Variants in MTSS1 observed in about 807,000 individuals in gnomAD.
The protein encoded by MTSS1 is MTSS I-BAR domain containing 1, also known as protein MTSS 1.
MTSS1 carries 18 observed loss-of-function variants against 79.0 expected under a neutral mutation model. That is an observed-to-expected ratio of 0.23 (90% CI 0.16 to 0.34). The LOEUF (loss-of-function observed/expected upper bound fraction) is 0.34. MTSS1 is among the 10% of genes least tolerant of loss of function. The pLI is 1.00. For missense variants in MTSS1, 815 were observed against 986.2 expected, an observed-to-expected ratio of 0.83 and a Z score of 2.33; for synonymous variants, 341 against 368.6, an observed-to-expected ratio of 0.93 and a Z score of 0.86.
At chr8:124,608,793 A>G (rs929740237) in intron 3 of MTSS1, among the ~76,000 whole-genome samples, 1 of 152,172 alleles carries the variant, frequency 6.6e-6, no homozygotes, top group Non-Finnish European at 1.5e-5. Context: ...CTAGATGGAA[A>G]ATGGATTGGC....
chr8:124,583,386 C>T (rs1448136468), intron 6 of MTSS1, among the ~76,000 whole-genome samples: 1 of 152,210 alleles, frequency 6.6e-6, no homozygotes, highest in East Asian at 1.9e-4. Context: ...ATCCTGCAGG[C>T]AGCCCGAGCC....
At chr8:124,589,789 A>T (rs551284676) in intron 4 of MTSS1, 78 bp from the exon 5 acceptor site, 1 of 1,023,686 alleles carries the variant, frequency 9.8e-7, no homozygotes, top group East Asian at 2.5e-5. Context: ...TGGTTGTCAA[A>T]ACATACCTAA....
At chr8:124,645,923 C>T (rs1281881533) in intron 3 of MTSS1, among the ~76,000 whole-genome samples, 1 of 152,178 alleles carries the variant, frequency 6.6e-6, no homozygotes, top group African/African-American at 2.4e-5. Context: ...ACTATGATAT[C>T]TTCCTTCAGA....
At chr8:124,674,914 G>A (rs888560732) in intron 3 of MTSS1, among the ~76,000 whole-genome samples, 1 of 152,022 alleles carries the variant, frequency 6.6e-6, no homozygotes, top group African/African-American at 2.4e-5. Flanking sequence ...TAGAGACGGG[G>A]TTTTACCATG....
intron 3 of MTSS1, among the ~76,000 whole-genome samples, chr8:124,630,926 G>A (rs997282496): frequency 2.0e-5 from 3 of 152,124 alleles, no homozygotes; most frequent in African/African-American, 7.2e-5. Context: ...AACCTGCTTG[G>A]TATATTGCAA....
intron 6 of MTSS1, among the ~76,000 whole-genome samples, chr8:124,572,838 C>T (rs1828119327): frequency 6.6e-6 from 1 of 151,474 alleles, no homozygotes; most frequent in Non-Finnish European, 1.5e-5. Context: ...CCTCCGCCTG[C>T]CAGGTTCAAG....
chr8:124,571,170 C>T (rs1424376313), intron 6 of MTSS1, among the ~76,000 whole-genome samples: 1 of 152,214 alleles, frequency 6.6e-6, no homozygotes, highest in East Asian at 1.9e-4. Context: ...TAAAAACATT[C>T]TCCCATTCTC....
At chr8:124,554,775 C>A (rs992635667) in intron 13 of MTSS1, among the ~76,000 whole-genome samples, 6 of 152,108 alleles carry the variant, frequency 3.9e-5, no homozygotes, top group African/African-American at 1.4e-4. Context: ...AAATACCTAC[C>A]CCATAAGTGG....
rs577694686 is a variant in MTSS1 at position 124,660,251 on chromosome 8, A to G, written c.208+39275T>C. Among the ~76,000 whole-genome samples the G allele has an allele frequency of 1.3e-4, 20 of 152,294 alleles. No homozygotes were observed. The East Asian group carries it at 3.7e-3, about 28-fold the overall frequency. On this transcript the variant is annotated intron_variant, in intron 3 of 13. Transcript: ENST00000518547. The stretch of plus-strand genomic sequence containing the variant: ...GGCAGCCCAGAGTTAGGAATCAGAA[A>G]AGCACAAACAACCGTTTGAGTGATC...
intron 3 of MTSS1, among the ~76,000 whole-genome samples, chr8:124,602,129 C>T (rs1225589762): frequency 7.1e-6 from 1 of 140,524 alleles, no homozygotes; most frequent in East Asian, 2.0e-4. Context: ...ATATAAAATA[C>T]ACTAACACAA....
chr8:124,673,647 C>A (rs1824716149), intron 3 of MTSS1: 4 of 152,160 alleles, frequency 2.6e-5, no homozygotes. Context: ...ATTTATGTTA[C>A]TACAAGAAGA....
At chr8:124,592,846 AC>A (rs1206629600) in intron 3 of MTSS1, among the ~76,000 whole-genome samples, 1 of 152,108 alleles carries the variant, frequency 6.6e-6, no homozygotes, top group African/African-American at 2.4e-5. Flanking sequence ...CTTGGCCTCT[AC>A]CCACCAGAAG....
intron 7 of MTSS1, among the ~76,000 whole-genome samples, 192 bp from the exon 8 acceptor site, chr8:124,567,370 T>G (rs1169235173): frequency 6.6e-6 from 1 of 152,246 alleles, no homozygotes; most frequent in Non-Finnish European, 1.5e-5. Flanking sequence ...AAAAGAAATC[T>G]GCCATAATGG....
intron 7 of MTSS1, chr8:124,568,003 T>A (rs1826899646): frequency 1.6e-6 from 2 of 1,282,858 alleles, no homozygotes; most frequent in African/African-American, 1.5e-5. Flanking sequence ...GGAGTGCTCC[T>A]TTAAAACACA....
chr8:124,567,913 T>G, intron 7 of MTSS1: 1 of 1,418,650 alleles, frequency 7.0e-7, no homozygotes, highest in Non-Finnish European at 9.2e-7. Context: ...AAGTCTAAAT[T>G]GATTCATTGA....
At chr8:124,613,605 A>G (rs1836284042) in intron 3 of MTSS1, among the ~76,000 whole-genome samples, 1 of 152,246 alleles carries the variant, frequency 6.6e-6, no homozygotes, top group African/African-American at 2.4e-5. Context: ...AGACAGCTAC[A>G]GAAAGGTCCT....
intron 4 of MTSS1, 80 bp downstream of exon 4, chr8:124,591,071 G>T: frequency 8.7e-7 from 1 of 1,153,402 alleles, no homozygotes; most frequent in Non-Finnish European, 1.3e-6. Flanking sequence ...GGATTTAAAT[G>T]CTGTGTGCCA....
rs541883109 is a variant in MTSS1 at position 124,643,887 on chromosome 8, AATTGT to A, written c.209-52657_209-52653del. Among the ~76,000 whole-genome samples the A allele has an allele frequency of 7.7e-4, 117 of 152,190 alleles. 1 individual carries two copies. The highest frequency in any genetic ancestry group is 2.7e-3 in the African/African-American group (113 of 41,514). On this transcript the variant is annotated intron_variant, in intron 3 of 13. Transcript: ENST00000518547. ...AGGTAACTTTTATATGTTGTCAGAGAATTGTTTGTATTTTTGAAATTCTGTGCAAG... is the reference window on the plus strand; with the variant it reads ...AGGTAACTTTTATATGTTGTCAGAGATTGTATTTTTGAAATTCTGTGCAAG...
Position 124,589,575 on chromosome 8 carries a change from C to T in MTSS1, c.385+45G>A, listed in dbSNP as rs777354552. ...GGCAGCAGCTGGCAACTTCCCACAG[C>T]GCCCCCCAGCGTGCAGTGATGCGCT... On this transcript the variant is annotated intron_variant, in intron 5 of 13. Coordinates refer to ENST00000518547, the MANE Select transcript of MTSS1 (RefSeq NM_014751.6). The T allele has an allele frequency of 4.6e-5, 68 of 1,492,386 alleles. No homozygotes were observed. The Middle Eastern group carries it at 5.2e-4, about 11-fold the overall frequency. The allele number at this position is 1,492,386 out of a possible 1,614,324, so 92.4% of individuals were successfully genotyped here.
Sources: gnomAD v4.1 joint callset for allele counts (sites outside exome capture counted in the v4.1 genomes callset) on GRCh38, gnomAD v4.1.1 for gene constraint, MANE v1.5 for transcripts, NCBI Gene and HGNC (gene_info 2026-07-23, HGNC 2026-07-21) for gene names.